Variants in ERBB4 observed in about 807,000 individuals in gnomAD.
ERBB4 encodes erb-b2 receptor tyrosine kinase 4.
ERBB4 carries 42 observed loss-of-function variants against 158.0 expected under a neutral mutation model. That is an observed-to-expected ratio of 0.27 (90% CI 0.21 to 0.34). The LOEUF (loss-of-function observed/expected upper bound fraction) is 0.34. ERBB4 is among the 10% of genes least tolerant of loss of function. The pLI is 1.00. For synonymous variants in ERBB4, 583 were observed against 558.7 expected, an observed-to-expected ratio of 1.04 and a Z score of -0.61; for missense variants, 1,333 against 1,624.1, an observed-to-expected ratio of 0.82 and a Z score of 3.08.
Position 212,298,858 on chromosome 2 carries a change from C to T in ERBB4, c.83-173955G>A, listed in dbSNP as rs142760673. On this transcript the variant is annotated intron_variant, in intron 1 of 27. Coordinates refer to ENST00000342788, the MANE Select transcript of ERBB4 (RefSeq NM_005235.3). ...TCAGATAAACCAAAGTTTAAAGAAG[C>T]CCTCAAAACTGGGAGGAATAATTAC... Among the ~76,000 whole-genome samples the T allele has an allele frequency of 2.4e-3, 362 of 151,640 alleles. 1 individual carries two copies. Among genetic ancestry groups the T allele is most frequent in the African/African-American group, 8.3e-3 (345 of 41,480 alleles).
intron 2 of ERBB4, among the ~76,000 whole-genome samples, chr2:211,985,729 A>G (rs972641635): frequency 6.6e-6 from 1 of 152,034 alleles, no homozygotes; most frequent in African/African-American, 2.4e-5. Flanking sequence ...AAATATCCAA[A>G]TGTAAACAAA....
intron 19 of ERBB4, among the ~76,000 whole-genome samples, chr2:211,589,310 C>A (rs2068390266): frequency 6.6e-6 from 1 of 152,074 alleles, no homozygotes; most frequent in Admixed American, 6.6e-5. Context: ...AATTAAAATG[C>A]AGTATCTATA....
At chr2:211,571,682 G>A (rs764072309) in intron 19 of ERBB4, among the ~76,000 whole-genome samples, 2 of 152,140 alleles carry the variant, frequency 1.3e-5, no homozygotes, top group African/African-American at 4.8e-5. Flanking sequence ...AAGCAGTAAT[G>A]TGAGTCAGTC....
At chr2:212,070,414 A>G (rs531830283) in intron 2 of ERBB4, among the ~76,000 whole-genome samples, 2 of 152,196 alleles carry the variant, frequency 1.3e-5, no homozygotes, top group Admixed American at 6.6e-5. Context: ...ATAAAGAACA[A>G]TTTGGAGGAT....
At position 211,375,951 on chromosome 2, in the gene ERBB4, A is replaced by AAAAT. The variant is rs1411923591; in HGVS notation, c.*7660_*7663dup. 1 of 232,770 alleles carries AAAAT rather than the reference A, an allele frequency of 4.3e-6. No homozygotes were observed. The highest frequency in any genetic ancestry group is 8.5e-6 in the Non-Finnish European group (1 of 117,580). 14.4% of individuals were successfully genotyped at this position (232,770 alleles called of 1,614,324 possible). ...CGGAAAAGCCTAATTACATAAATGT[A>AAAAT]AAATACTGTTTCTCCCTCATTCTCA... On this transcript the variant is annotated 3_prime_UTR_variant, in exon 28 of 28. Coordinates refer to ENST00000342788, the MANE Select transcript of ERBB4 (RefSeq NM_005235.3).
rs377184925 is a variant in ERBB4 at position 211,702,849 on chromosome 2, A to G, written c.1290-683T>C. 5.3e-5 allele frequency among the ~76,000 whole-genome samples: 8 copies of G among 152,288 alleles called. No individual in the cohort carries two copies. In the South Asian group the frequency reaches 1.7e-3, roughly 32 times the overall value. On this transcript the variant is annotated intron_variant, in intron 11 of 27. Transcript: ENST00000342788. ...TGCACTCCATACTTGCAAAATACTA[A>G]TATTACTTTGAGTGACAGAAAATTG...
intron 2 of ERBB4, among the ~76,000 whole-genome samples, chr2:212,075,332 TATA>T: frequency 6.6e-6 from 1 of 152,076 alleles, no homozygotes; most frequent in Non-Finnish European, 1.5e-5. Flanking sequence ...GACATTGGAA[TATA>T]ATATTTAATA....
rs143031111 is a variant in ERBB4, at chr2:212,320,256, T to C, written c.83-195353A>G. ...TATTTTTTTCCTGTGGCTGCCAGCA[T>C]ATAGCCTACCAAATCCCTTACCTAC... On this transcript the variant is annotated intron_variant, in intron 1 of 27. Coordinates refer to ENST00000342788, the MANE Select transcript of ERBB4 (RefSeq NM_005235.3). 5.3e-3 allele frequency among the ~76,000 whole-genome samples: 793 copies of C among 148,930 alleles called. 20 individuals are homozygous for C. Among genetic ancestry groups the C allele is most frequent in the African/African-American group, 0.018 (738 of 41,110 alleles).
intron 19 of ERBB4, among the ~76,000 whole-genome samples, chr2:211,586,786 G>T (rs571056901): frequency 6.6e-6 from 1 of 152,226 alleles, no homozygotes; most frequent in Non-Finnish European, 1.5e-5. Context: ...GTAGCTGTTT[G>T]TCTCCCATAC....
chr2:211,823,703 AG>A (rs924947558), intron 3 of ERBB4, among the ~76,000 whole-genome samples: 1 of 152,014 alleles, frequency 6.6e-6, no homozygotes, highest in Non-Finnish European at 1.5e-5. Context: ...TAACTCAAAT[AG>A]TTTCACAGCT....
chr2:211,678,504 G>A (rs16846737), intron 13 of ERBB4, among the ~76,000 whole-genome samples: 5,826 of 152,084 alleles, frequency 0.038, 302 homozygotes, highest in African/African-American at 0.12. Flanking sequence ...AGAATTGTCT[G>A]AGTATGTTTT....
At chr2:212,381,163 C>T (rs530901245) in intron 1 of ERBB4, among the ~76,000 whole-genome samples, 2 of 151,284 alleles carry the variant, frequency 1.3e-5, no homozygotes, top group Middle Eastern at 6.3e-3. Flanking sequence ...TTATATTTCA[C>T]AGGAAAAATG....
chr2:212,240,888 T>C (rs113711871), intron 1 of ERBB4, among the ~76,000 whole-genome samples: 3 of 152,028 alleles, frequency 2.0e-5, no homozygotes, highest in African/African-American at 7.2e-5. Flanking sequence ...TTTCTCTTAT[T>C]AGTCTGCCTC....
intron 1 of ERBB4, among the ~76,000 whole-genome samples, chr2:212,357,434 AG>A (rs1174031688): frequency 1.3e-5 from 2 of 151,918 alleles, no homozygotes; most frequent in African/African-American, 4.8e-5. Flanking sequence ...CGGTGTACAA[AG>A]TTATTTAAAT....
chr2:211,579,661 A>T (rs2068009062), intron 19 of ERBB4, among the ~76,000 whole-genome samples: 2 of 152,144 alleles, frequency 1.3e-5, no homozygotes, highest in South Asian at 4.1e-4. Context: ...ATGTAGATGG[A>T]ACTAGAGGCC....
At chr2:211,585,333 GAGAGCGAGACTCCGTCTCAAAAA>G (rs1559322661) in intron 19 of ERBB4, among the ~76,000 whole-genome samples, 1 of 129,078 alleles carries the variant, frequency 7.7e-6, no homozygotes, top group Non-Finnish European at 1.6e-5. Context: ...GCCTGGGCGA[GAGAGCGAGACTCCGTCTCAAAAA>G]AAAAAAAAAA....
intron 1 of ERBB4, among the ~76,000 whole-genome samples, chr2:212,484,984 C>T (rs1378950197): frequency 2.6e-5 from 4 of 152,138 alleles, no homozygotes; most frequent in Non-Finnish European, 5.9e-5. Flanking sequence ...GTGACAATTC[C>T]AGAGATGTGC....
At chr2:211,447,997 G>C (rs1001904129) in intron 20 of ERBB4, among the ~76,000 whole-genome samples, 1 of 152,024 alleles carries the variant, frequency 6.6e-6, no homozygotes, top group Non-Finnish European at 1.5e-5. Context: ...TTTTGAGACA[G>C]AGTCTCGCTC....
At chr2:212,276,237 G>A (rs2085530454) in intron 1 of ERBB4, among the ~76,000 whole-genome samples, 1 of 151,706 alleles carries the variant, frequency 6.6e-6, no homozygotes, top group Non-Finnish European at 1.5e-5. Flanking sequence ...AGTCAAAAAG[G>A]ATTTTTAATT....
Sources: gnomAD v4.1 joint callset for allele counts (sites outside exome capture counted in the v4.1 genomes callset) on GRCh38, gnomAD v4.1.1 for gene constraint, MANE v1.5 for transcripts, NCBI Gene and HGNC (gene_info 2026-07-23, HGNC 2026-07-21) for gene names.